Variants in SLCO3A1 observed in about 807,000 individuals in gnomAD.
SLCO3A1 encodes solute carrier organic anion transporter family member 3A1.
SLCO3A1 carries 27 observed loss-of-function variants against 63.1 expected under a neutral mutation model. The observed-to-expected ratio is 0.43, with a 90% confidence interval of 0.32 to 0.59. The LOEUF is 0.59. Ranked by LOEUF, SLCO3A1 falls within the 20% of genes least tolerant of loss-of-function variation. The probability of loss-of-function intolerance (pLI) is 0.09; values close to 1 mark genes in which losing one functional copy is unlikely to be tolerated. For synonymous variants in SLCO3A1, 473 were observed against 409.9 expected, an observed-to-expected ratio of 1.15 and a Z score of -1.86; for missense variants, 773 against 945.8, an observed-to-expected ratio of 0.82 and a Z score of 2.40.
intron 2 of SLCO3A1, among the ~76,000 whole-genome samples, chr15:92,028,662 A>G (rs2046606164): frequency 6.6e-6 from 1 of 152,210 alleles, no homozygotes. Context: ...GTTTTAAGCT[A>G]GAATGATCAG....
At chr15:92,158,940 A>G (rs913635293) in intron 9 of SLCO3A1, among the ~76,000 whole-genome samples, 1 of 152,218 alleles carries the variant, frequency 6.6e-6, no homozygotes, top group African/African-American at 2.4e-5. Context: ...CAAAGGTTAT[A>G]CTTAAGGTAC....
chr15:91,865,532 G>A lies in SLCO3A1; in HGVS notation c.180+11444G>A, dbSNP rs1486969416. On this transcript the variant is annotated intron_variant, in intron 1 of 9. Transcript: ENST00000318445. This position sits in a 1 kb window ranked among gnomAD's most constrained non-coding sequence, Gnocchi z 4.6. Reference sequence around the variant, plus strand: ...TGCAGGCCAGAAGTCTGAAATCAGGGCATCAGCAGGGCCGTGCTCCCTCCT... The same window carrying A: ...TGCAGGCCAGAAGTCTGAAATCAGGACATCAGCAGGGCCGTGCTCCCTCCT... 6.6e-6 allele frequency among the ~76,000 whole-genome samples: 1 copy of A among 152,178 alleles called. No homozygotes were observed. Among genetic ancestry groups the A allele is most frequent in the Non-Finnish European group, 1.5e-5 (1 of 68,038 alleles).
chr15:92,167,811 G>A (rs1295523648), downstream of SLCO3A1, among the ~76,000 whole-genome samples: 1 of 151,678 alleles, frequency 6.6e-6, no homozygotes, highest in East Asian at 2.0e-4. Context: ...GGGACAACAT[G>A]GGTTATCAAA....
At chr15:92,138,833 G>C (rs2048091291) in intron 7 of SLCO3A1, among the ~76,000 whole-genome samples, 1 of 96,694 alleles carries the variant, frequency 1.0e-5, no homozygotes, top group Non-Finnish European at 1.9e-5. Flanking sequence ...TTTGTATCCT[G>C]AGACTTTGCT....
At chr15:91,978,883 A>G (rs1356789028) in intron 2 of SLCO3A1, among the ~76,000 whole-genome samples, 1 of 152,250 alleles carries the variant, frequency 6.6e-6, no homozygotes, top group African/African-American at 2.4e-5. Context: ...CTGGCCCTTT[A>G]CAGAAAAAGT....
chr15:92,147,044 G>A lies in SLCO3A1; in HGVS notation c.1573G>A (p.Gly525Arg). Reference protein sequence around the residue: ...VPAENATVVPGKCPSPGCQEA... With the variant: ...VPAENATVVPRKCPSPGCQEA... ...TGCTGAGAACGCAACCGTGGTTCCT[G>A]GAAAATGCCCCAGTCCTGGGTGCCA... Residue 525 changes from glycine (G) to arginine (R), a missense_variant, in exon 8 of 10, where the codon GGA becomes AGA. Physicochemically the swap from Gly to Arg is moderately radical, Grantham distance 125. This residue lies in a region of SLCO3A1 where 565 missense variants were observed against 749.8 expected (regional missense o/e 0.75). Coordinates refer to ENST00000318445, the MANE Select transcript of SLCO3A1 (RefSeq NM_013272.4). The A allele has an allele frequency of 6.2e-7, 1 of 1,614,190 alleles. No individual in the cohort carries two copies. Among genetic ancestry groups the A allele is most frequent in the Non-Finnish European group, 8.5e-7 (1 of 1,180,026 alleles).
chr15:92,008,990 G>A (rs2046341209), intron 2 of SLCO3A1, among the ~76,000 whole-genome samples: 1 of 152,248 alleles, frequency 6.6e-6, no homozygotes, highest in Non-Finnish European at 1.5e-5. Flanking sequence ...TATTGTAGAT[G>A]GAGTCATTTG....
chr15:92,136,814 G>A (rs1216984039), intron 7 of SLCO3A1, among the ~76,000 whole-genome samples: 2 of 152,058 alleles, frequency 1.3e-5, no homozygotes. Context: ...ATTTTTTACT[G>A]CACATAAAAG....
In SLCO3A1 at chr15:91,880,098, T is replaced by TATCCGTCCGTCCGTCC. The variant is rs1555446359; in HGVS notation, c.180+26010_180+26011insATCCGTCCGTCCGTCC. Among the ~76,000 whole-genome samples, 280 of 97,690 alleles carry TATCCGTCCGTCCGTCC rather than the reference T, an allele frequency of 2.9e-3. 1 individual carries two copies. Among genetic ancestry groups the TATCCGTCCGTCCGTCC allele is most frequent in the African/African-American group, 8.4e-3 (235 of 27,818 alleles). 64.1% of individuals were successfully genotyped at this position (97,690 alleles called of 152,430 possible). A position where few individuals can be genotyped will look rare whatever the true frequency, so the allele number is the denominator to read the frequency against. On this transcript the variant is annotated intron_variant, in intron 1 of 9. Coordinates refer to ENST00000318445, the MANE Select transcript of SLCO3A1 (RefSeq NM_013272.4). ...ATGCTCCTCAACCTGCTTGTATGTG[T>TATCCGTCCGTCCGTCC]GTCCGTCCGTCCGTCCGTCCGTCCG...
chr15:92,030,339 C>G (rs2046630989), intron 2 of SLCO3A1, among the ~76,000 whole-genome samples: 1 of 152,156 alleles, frequency 6.6e-6, no homozygotes, highest in African/African-American at 2.4e-5. Context: ...TCCTGGGAAT[C>G]CACAGTGGAC....
intron 1 of SLCO3A1, among the ~76,000 whole-genome samples, chr15:91,873,786 A>G (rs879016337): frequency 2.0e-5 from 3 of 152,160 alleles, no homozygotes; most frequent in Admixed American, 2.0e-4. Context: ...AAATATCTCT[A>G]TCGCAATTGC....
intron 2 of SLCO3A1, among the ~76,000 whole-genome samples, chr15:92,074,464 C>T (rs1379811393): frequency 6.6e-6 from 1 of 152,204 alleles, no homozygotes; most frequent in Non-Finnish European, 1.5e-5. Flanking sequence ...AGGATCGTTT[C>T]TCCAGTTCTG....
chr15:91,950,646 C>T lies in SLCO3A1; in HGVS notation c.646+34188C>T, dbSNP rs1046354538. Among the ~76,000 whole-genome samples the T allele has an allele frequency of 5.3e-4, 80 of 152,170 alleles. No homozygotes were observed. Among genetic ancestry groups the T allele is most frequent in the Non-Finnish European group, 6.0e-4 (41 of 68,032 alleles). Reference sequence around the variant, plus strand: ...CAATTTCTCATGCACTGCATCTTCCCGCTGTTTATTTAATGTACATGTTGT... The same window carrying T: ...CAATTTCTCATGCACTGCATCTTCCTGCTGTTTATTTAATGTACATGTTGT... On this transcript the variant is annotated intron_variant, in intron 2 of 9. Coordinates refer to ENST00000318445, the MANE Select transcript of SLCO3A1 (RefSeq NM_013272.4). This position sits in a 1 kb window ranked among gnomAD's most constrained non-coding sequence, Gnocchi z 4.4.
chr15:92,160,914 G>A (rs1396813817), intron 9 of SLCO3A1, among the ~76,000 whole-genome samples: 2 of 152,168 alleles, frequency 1.3e-5, no homozygotes, highest in African/African-American at 4.8e-5. Flanking sequence ...AGCAATCATG[G>A]ATGGACTTCA....
rs147881362 is a variant in SLCO3A1, at chr15:91,903,503, G to A, written c.181-12490G>A. 3.4e-3 allele frequency among the ~76,000 whole-genome samples: 516 copies of A among 152,326 alleles called. 6 individuals are homozygous for A. Among genetic ancestry groups the A allele is most frequent in the African/African-American group, 0.012 (490 of 41,572 alleles). On this transcript the variant is annotated intron_variant, in intron 1 of 9. Coordinates refer to ENST00000318445, the MANE Select transcript of SLCO3A1 (RefSeq NM_013272.4). ...GGTATTTTTGCAAAAGGGAGTGGTT[G>A]TGGGGGAGCTGTGGGAGAGCAGGGG...
At chr15:91,940,334 G>C (rs1332571920) in intron 2 of SLCO3A1, among the ~76,000 whole-genome samples, 1 of 152,108 alleles carries the variant, frequency 6.6e-6, no homozygotes, top group Non-Finnish European at 1.5e-5. Context: ...GTCTGTGCCA[G>C]CACCTTGCTG....
intron 2 of SLCO3A1, among the ~76,000 whole-genome samples, chr15:91,990,680 A>T (rs917109012): frequency 1.3e-5 from 2 of 151,726 alleles, no homozygotes; most frequent in Non-Finnish European, 2.9e-5. Context: ...TGTTGAGCAC[A>T]TCTGCTTGAA....
Position 91,854,202 on chromosome 15 carries a change from G to C in SLCO3A1, c.180+114G>C, listed in dbSNP as rs1778876555. The C allele has an allele frequency of 3.5e-6, 4 of 1,158,300 alleles. No individual in the cohort carries two copies. Among genetic ancestry groups the C allele is most frequent in the Non-Finnish European group, 3.3e-6 (3 of 905,048 alleles). The allele number at this position is 1,158,300 out of a possible 1,614,324, so 71.8% of individuals were successfully genotyped here. A position where few individuals can be genotyped will look rare whatever the true frequency, so the allele number is the denominator to read the frequency against. ...CTGGGGGCAGGCGGGCATGACCTCG[G>C]CCCGGCGTGGAGGTTGGCGAGTGGT... On this transcript the variant is annotated intron_variant, in intron 1 of 9. Transcript: ENST00000318445. This position sits in a 1 kb window ranked among gnomAD's most constrained non-coding sequence, Gnocchi z 6.4.
At chr15:91,887,492 G>A (rs1897755985) in intron 1 of SLCO3A1, among the ~76,000 whole-genome samples, 1 of 152,124 alleles carries the variant, frequency 6.6e-6, no homozygotes, top group South Asian at 2.1e-4. Flanking sequence ...GTGTGCACAG[G>A]AGCCCTGCAG....
Sources: gnomAD v4.1 joint callset for allele counts (sites outside exome capture counted in the v4.1 genomes callset) on GRCh38, gnomAD v4.1.1 for gene constraint, gnomAD v4.1.1 regional missense constraint, Gnocchi (gnomAD v3.1) non-coding constraint, MANE v1.5 for transcripts, NCBI Gene and HGNC (gene_info 2026-07-23, HGNC 2026-07-21) for gene names.